C11orf97: variants seen among roughly 807,000 people sequenced by gnomAD.
The protein encoded by C11orf97 is uncharacterized protein C11orf97.
In C11orf97, 15 loss-of-function variants were observed where a neutral mutation model predicts 16.2. The ratio of observed to expected loss-of-function variants is 0.93; its 90% confidence interval spans 0.62 to 1.43. The LOEUF (loss-of-function observed/expected upper bound fraction) is 1.43, where lower values mean the gene tolerates loss of function less well. C11orf97 is among the 40% of genes most tolerant of loss of function. The pLI, the probability that C11orf97 is intolerant of heterozygous loss-of-function variation, is 0.00. For synonymous variants in C11orf97, 61 were observed against 65.7 expected (o/e 0.93, Z 0.34); for missense variants, 171 against 161.2 (o/e 1.06, Z -0.33).
chr11:94,522,334 G>A (rs1947663847), intron 2 of C11orf97, among the ~76,000 whole-genome samples: 2 of 152,138 alleles, frequency 1.3e-5, no homozygotes, highest in African/African-American at 4.8e-5. Context: ...AGGAGATCGA[G>A]ACCATCCTGG....
intron 1 of C11orf97, among the ~76,000 whole-genome samples, chr11:94,514,287 A>G (rs547168691): frequency 6.6e-6 from 1 of 152,200 alleles, no homozygotes; most frequent in African/African-American, 2.4e-5. Flanking sequence ...CTAATGACTT[A>G]AGGCAGGTGT....
chr11:94,530,835 C>T (rs754238708), intron 3 of C11orf97, among the ~76,000 whole-genome samples: 9 of 152,174 alleles, frequency 5.9e-5, no homozygotes, highest in Non-Finnish European at 1.2e-4. Context: ...AATCTTGAAA[C>T]GTTGCATATA....
intron 3 of C11orf97, among the ~76,000 whole-genome samples, chr11:94,530,900 A>G (rs991546650): frequency 6.6e-6 from 1 of 152,178 alleles, no homozygotes; most frequent in African/African-American, 2.4e-5. Flanking sequence ...TGTGGCTTAC[A>G]ATGAGTTTTC....
chr11:94,523,582 T>G (rs1248523490), intron 2 of C11orf97, among the ~76,000 whole-genome samples: 1 of 152,220 alleles, frequency 6.6e-6, no homozygotes, highest in African/African-American at 2.4e-5. Flanking sequence ...GAGTTGACAG[T>G]GACAATTATG....
intron 1 of C11orf97, among the ~76,000 whole-genome samples, chr11:94,515,580 T>C (rs1947605371): frequency 6.6e-6 from 1 of 151,568 alleles, no homozygotes; most frequent in Admixed American, 6.6e-5. Flanking sequence ...TTTCCTTCCT[T>C]TCCTTTCCCT....
intron 1 of C11orf97, among the ~76,000 whole-genome samples, chr11:94,515,278 T>G (rs943347173): frequency 6.6e-6 from 1 of 151,972 alleles, no homozygotes; most frequent in East Asian, 1.9e-4. Flanking sequence ...TAAGATGCAA[T>G]TGTTATTAGC....
intron 3 of C11orf97, among the ~76,000 whole-genome samples, chr11:94,531,513 C>T (rs1947738731): frequency 7.5e-6 from 1 of 132,704 alleles, no homozygotes; most frequent in Admixed American, 8.3e-5. Context: ...TTATTCTGTG[C>T]CACAAAACAA....
rs1219173846 is a variant in C11orf97 at position 94,517,645 on chromosome 11, C to T, written c.208C>T (p.His70Tyr). The T allele has an allele frequency of 4.6e-6, 7 of 1,532,576 alleles. No homozygotes were observed. In the South Asian group the frequency reaches 8.4e-5, roughly 18 times the overall value. 94.9% of individuals were successfully genotyped at this position (1,532,576 alleles called of 1,614,324 possible). A position where few individuals can be genotyped will look rare whatever the true frequency, so the allele number is the denominator to read the frequency against. ...TAAGGAAGTACTGGAAGAAGAACGT[C>T]ATATTAAGAGAGATGAATGCCACAT... ...RIKEVLEEER[H>Y]IKRDECHIKN... Residue 70 changes from histidine to tyrosine, a missense_variant, in exon 2 of 4, where the codon CAT becomes TAT. Coordinates refer to ENST00000542198, the MANE Select transcript of C11orf97 (RefSeq NM_001190462.2).
intron 2 of C11orf97, among the ~76,000 whole-genome samples, chr11:94,526,655 G>T (rs2135184232): frequency 6.6e-6 from 1 of 152,322 alleles, no homozygotes; most frequent in East Asian, 1.9e-4. Context: ...AAATTTGAGA[G>T]TTTATTATCC....
At chr11:94,518,151 A>G (rs531057089) in intron 2 of C11orf97, among the ~76,000 whole-genome samples, 1 of 146,620 alleles carries the variant, frequency 6.8e-6, no homozygotes, top group East Asian at 1.9e-4. Flanking sequence ...CCATATCAGA[A>G]AAAAAAAAAA....
chr11:94,531,585 A>G (rs1947739769), intron 3 of C11orf97, among the ~76,000 whole-genome samples: 1 of 150,158 alleles, frequency 6.7e-6, no homozygotes, highest in Admixed American at 6.7e-5. Context: ...GAATGTGCCT[A>G]CAATTCACAT....
At chr11:94,520,371 C>T (rs1947648330) in intron 2 of C11orf97, among the ~76,000 whole-genome samples, 1 of 152,196 alleles carries the variant, frequency 6.6e-6, no homozygotes, top group Admixed American at 6.5e-5. Context: ...TTTGCTGGCT[C>T]TCCCTCCACC....
intron 2 of C11orf97, among the ~76,000 whole-genome samples, chr11:94,518,972 G>A (rs1168547298): frequency 6.6e-6 from 1 of 151,288 alleles, no homozygotes; most frequent in Non-Finnish European, 1.5e-5. Flanking sequence ...GCAGTGACAC[G>A]ATCTCTGCTC....
chr11:94,529,072 G>T (rs1456128631), intron 3 of C11orf97, among the ~76,000 whole-genome samples: 1 of 152,150 alleles, frequency 6.6e-6, no homozygotes, highest in Non-Finnish European at 1.5e-5. Context: ...CAGGCACAGA[G>T]AGGTGAAATA....
At chr11:94,524,990 C>T (rs895575855) in intron 2 of C11orf97, among the ~76,000 whole-genome samples, 7 of 139,640 alleles carry the variant, frequency 5.0e-5, no homozygotes, top group African/African-American at 1.3e-4. Context: ...ACCCAGGAGG[C>T]GAATGTTGCA....
At chr11:94,523,089 T>A (rs1175502348) in intron 2 of C11orf97, among the ~76,000 whole-genome samples, 1 of 151,994 alleles carries the variant, frequency 6.6e-6, no homozygotes, top group Non-Finnish European at 1.5e-5. Context: ...CATCGTGAAA[T>A]ACAAAAAATT....
intron 2 of C11orf97, among the ~76,000 whole-genome samples, chr11:94,525,483 G>T (rs976690140): frequency 2.6e-5 from 4 of 152,162 alleles, no homozygotes; most frequent in African/African-American, 9.7e-5. Context: ...AGCAAATGTG[G>T]ATATATTTCA....
intron 3 of C11orf97, among the ~76,000 whole-genome samples, chr11:94,531,479 A>C (rs1422193365): frequency 6.6e-6 from 1 of 150,948 alleles, no homozygotes; most frequent in African/African-American, 2.4e-5. Flanking sequence ...GGTTGATGAC[A>C]AAAAACCTTT....
At chr11:94,518,535 A>G (rs1293758766) in intron 2 of C11orf97, among the ~76,000 whole-genome samples, 1 of 152,194 alleles carries the variant, frequency 6.6e-6, no homozygotes, top group Non-Finnish European at 1.5e-5. Context: ...AGATCATCCA[A>G]GGATTTCATC....
Sources: gnomAD v4.1 joint callset for allele counts (sites outside exome capture counted in the v4.1 genomes callset) on GRCh38, gnomAD v4.1.1 for gene constraint, MANE v1.5 for transcripts, NCBI Gene and HGNC (gene_info 2026-07-23, HGNC 2026-07-21) for gene names.